Variants in ZNF227 observed in about 807,000 individuals in gnomAD.
ZNF227 encodes zinc finger protein 227.
A neutral mutation model predicts 13.2 loss-of-function variants in ZNF227; 12 were observed. The ratio of observed to expected loss-of-function variants is 0.91; its 90% CI spans 0.58 to 1.47. The LOEUF (loss-of-function observed/expected upper bound fraction) is 1.47, where lower values mean the gene tolerates loss of function less well. ZNF227 is among the 40% of genes most tolerant of loss of function. ZNF227 has a pLI of 0.00. For synonymous variants in ZNF227, 338 were observed against 326.0 expected (o/e 1.04, Z -0.40); for missense variants, 885 against 967.5 (o/e 0.91, Z 1.13).
Position 44,235,440 on chromosome 19 carries a change from C to G in ZNF227, c.1010C>G (p.Thr337Arg). The change falls in exon 6 of 6, where the codon ACG (threonine) becomes AGG (arginine). Residue 337 changes from threonine to arginine, a missense_variant. Physicochemically the swap from Thr to Arg is moderately conservative, Grantham distance 71. Coordinates refer to ENST00000313040, the MANE Select transcript of ZNF227 (RefSeq NM_182490.3). Reference protein sequence around the residue: ...DSCGKGFSSSTGLIIHYRTHT... With the variant: ...DSCGKGFSSSRGLIIHYRTHT... ...TGCGGCAAGGGATTCAGTAGCAGCA[C>G]GGGTCTTATCATTCATTACAGAACT... 6 of 1,614,022 alleles carry G rather than the reference C, an allele frequency of 3.7e-6. No individual in the cohort carries two copies. Among genetic ancestry groups the G allele is most frequent in the Non-Finnish European group, 5.1e-6 (6 of 1,180,018 alleles).
intron 3 of ZNF227, among the ~76,000 whole-genome samples, chr19:44,219,139 G>C (rs1342985996): frequency 6.6e-6 from 1 of 152,068 alleles, no homozygotes; most frequent in Non-Finnish European, 1.5e-5. Context: ...CACCCACTTC[G>C]GCCTCCCAAA....
Position 44,235,980 on chromosome 19 carries a change from A to T in ZNF227, c.1550A>T (p.Glu517Val). 6.2e-7 allele frequency: 1 copy of T among 1,614,058 alleles called. No homozygotes were observed. Among genetic ancestry groups the T allele is most frequent in the Non-Finnish European group, 8.5e-7 (1 of 1,180,020 alleles). Residue 517 changes from glutamate to valine, a missense_variant, in exon 6 of 6, where the codon GAG (glutamate) becomes GTG (valine). Glu to Val is a moderately radical substitution (Grantham distance 121). Coordinates refer to ENST00000313040, the MANE Select transcript of ZNF227 (RefSeq NM_182490.3). ...GTCCATCAGAATGTCCACACTGGGG[A>T]GAAACGATTCAAGTGTGAAACGTGT... ...LQVHQNVHTGEKRFKCETCGK... is the reference protein window; with the variant it reads ...LQVHQNVHTGVKRFKCETCGK...
At chr19:44,217,733 T>TA in intron 2 of ZNF227, 58 bp from the exon 3 acceptor site, 1 of 1,575,236 alleles carries the variant, frequency 6.3e-7, no homozygotes, top group South Asian at 1.1e-5. Flanking sequence ...AATTTCCTCA[T>TA]ATGTACACAT....
At chr19:44,219,285 A>G (rs370110979) in intron 3 of ZNF227, among the ~76,000 whole-genome samples, 9 of 152,252 alleles carry the variant, frequency 5.9e-5, no homozygotes, top group African/African-American at 2.2e-4. Context: ...TAGTCATTCC[A>G]TGAACGTAGA....
rs190772851 is a variant in ZNF227 at position 44,228,347 on chromosome 19, A to G, written c.61-99A>G. The G allele has an allele frequency of 1.1e-5, 16 of 1,415,530 alleles. No homozygotes were observed. In the Admixed American group the frequency reaches 1.4e-4, roughly 12 times the overall value. 87.7% of individuals were successfully genotyped at this position (1,415,530 alleles called of 1,614,324 possible). A position where few individuals can be genotyped will look rare whatever the true frequency, so the allele number is the denominator to read the frequency against. On this transcript the variant is annotated intron_variant, in intron 3 of 5. Coordinates refer to ENST00000313040, the MANE Select transcript of ZNF227 (RefSeq NM_182490.3). The stretch of plus-strand genomic sequence containing the variant: ...AATTGACTGAGATCTCTTGGAATCT[A>G]TAACAACTTTTTTGTGGTGCTCTTT...
intron 2 of ZNF227, chr19:44,213,479 A>G (rs902309006): frequency 2.0e-5 from 3 of 152,228 alleles, no homozygotes; most frequent in Non-Finnish European, 2.9e-5. Context: ...TTATTTTGTT[A>G]TGAGGAAATT....
chr19:44,224,230 A>T (rs1278092012), intron 3 of ZNF227, among the ~76,000 whole-genome samples: 1 of 152,212 alleles, frequency 6.6e-6, no homozygotes, highest in Non-Finnish European at 1.5e-5. Context: ...TGGTGCTGAA[A>T]AAAATGTATA....
chr19:44,232,677 T>G (rs528599627), intron 5 of ZNF227, among the ~76,000 whole-genome samples: 2 of 152,100 alleles, frequency 1.3e-5, no homozygotes, highest in South Asian at 4.2e-4. Context: ...TTTTTGTTTT[T>G]TTTTTTTGTA....
chr19:44,211,716 A>G (rs1242563292), upstream of ZNF227, among the ~76,000 whole-genome samples: 1 of 151,528 alleles, frequency 6.6e-6, no homozygotes, highest in African/African-American at 2.4e-5. Flanking sequence ...CCTTCGTTGC[A>G]TTTTTTGATT....
Position 44,230,951 on chromosome 19 carries a change from A to ATGTATC in ZNF227, c.271+1136_271+1137insGTATCT, listed in dbSNP as rs1973764611. On this transcript the variant is annotated intron_variant, in intron 5 of 5. Coordinates refer to ENST00000313040, the MANE Select transcript of ZNF227 (RefSeq NM_182490.3). ...AATATATATATATATATATATATAT[A>ATGTATC]TATCTTAGCCAGGCATGTTAGCATA... Among the ~76,000 whole-genome samples, 18 of 132,726 alleles carry ATGTATC rather than the reference A, an allele frequency of 1.4e-4. 1 individual carries two copies. The highest frequency in any genetic ancestry group is 5.7e-4 in the African/African-American group (18 of 31,508). The allele number at this position is 132,726 out of a possible 152,430, so 87.1% of individuals were successfully genotyped here. A position where few individuals can be genotyped will look rare whatever the true frequency, so the allele number is the denominator to read the frequency against.
At chr19:44,230,063 T>C (rs193102440) in intron 5 of ZNF227, among the ~76,000 whole-genome samples, 78 of 152,294 alleles carry the variant, frequency 5.1e-4, no homozygotes, top group African/African-American at 1.7e-3. Context: ...TCACCCAGGC[T>C]GGAGTGCAGC....
At chr19:44,207,802 G>GT (rs1030702817), upstream of ZNF227, 4 of 152,296 alleles carry the variant, frequency 2.6e-5, no homozygotes, top group African/African-American at 9.6e-5. Context: ...TTGTCGCTTG[G>GT]TTAGAGGGTC....
intron 3 of ZNF227, among the ~76,000 whole-genome samples, chr19:44,219,857 G>T: frequency 6.6e-6 from 1 of 151,050 alleles, no homozygotes; most frequent in Non-Finnish European, 1.5e-5. Context: ...GTATACATGT[G>T]CCATGTTGGT....
At chr19:44,219,058 T>C (rs1220108775) in intron 3 of ZNF227, among the ~76,000 whole-genome samples, 1 of 152,202 alleles carries the variant, frequency 6.6e-6, no homozygotes, top group African/African-American at 2.4e-5. Context: ...TGGCTAATTT[T>C]GTATTTTTAT....
rs1350168254 is a variant in ZNF227, at chr19:44,213,263, A to C, written c.-3+19A>C. 1.3e-5 allele frequency: 2 copies of C among 152,090 alleles called. No homozygotes were observed. The highest frequency in any genetic ancestry group is 2.9e-5 in the Non-Finnish European group (2 of 68,014). 9.4% of individuals were successfully genotyped at this position (152,090 alleles called of 1,614,324 possible). A position where few individuals can be genotyped will look rare whatever the true frequency, so the allele number is the denominator to read the frequency against. ...GCCCCAGGTACCTGCTCTTGAACGC[A>C]CTTTGTTGTTCCATTTTCTGTCCTT... On this transcript the variant is annotated intron_variant, in intron 2 of 5. Transcript: ENST00000313040.
At position 44,235,298 on chromosome 19, in the gene ZNF227, A is replaced by G; in HGVS notation, c.868A>G (p.Ile290Val). 1 of 1,614,206 alleles carries G rather than the reference A, an allele frequency of 6.2e-7. No homozygotes were observed. The highest frequency in any genetic ancestry group is 8.5e-7 in the Non-Finnish European group (1 of 1,180,030). ...QSSHLRTHQRIHPGEKLNRCH... is the reference protein window; with the variant it reads ...QSSHLRTHQRVHPGEKLNRCH... Reference sequence around the variant, plus strand: ...CTCACATCTGCGAACTCATCAGAGAATTCACCCAGGAGAGAAACTCAATAG... The same window carrying G: ...CTCACATCTGCGAACTCATCAGAGAGTTCACCCAGGAGAGAAACTCAATAG... Residue 290 changes from isoleucine to valine, a missense_variant, in exon 6 of 6, where the codon ATT becomes GTT. Transcript: ENST00000313040.
In ZNF227 at chr19:44,236,086, G is replaced by T. The variant is rs892141684; in HGVS notation, c.1656G>T (p.Val552=). Residue 552 remains valine (V), a synonymous_variant, in exon 6 of 6, where the codon GTG becomes GTT. Coordinates refer to ENST00000313040, the MANE Select transcript of ZNF227 (RefSeq NM_182490.3). The part of the protein sequence containing the change: ...HTGEKPYRCD[V]CGKDFSYSSN... ...GAGAGAAACCATATAGATGTGATGT[G>T]TGTGGTAAGGACTTCAGTTATAGTT... 1 of 1,614,000 alleles carries T rather than the reference G, an allele frequency of 6.2e-7. No homozygotes were observed.
chr19:44,225,738 T>C (rs1568603214), intron 3 of ZNF227, among the ~76,000 whole-genome samples: 1 of 152,226 alleles, frequency 6.6e-6, no homozygotes, highest in Non-Finnish European at 1.5e-5. Context: ...CGGAGTAGTT[T>C]GATCGTCTGA....
chr19:44,227,784 T>C lies in ZNF227; in HGVS notation c.61-662T>C, dbSNP rs139487640. Among the ~76,000 whole-genome samples, 593 of 152,276 alleles carry C rather than the reference T, an allele frequency of 3.9e-3. 3 individuals carry two copies. The highest frequency in any genetic ancestry group is 0.013 in the African/African-American group (560 of 41,562). ...CTAGTAAAAGGCAAAACCTTGAAAT[T>C]TGAACCTGGCCAGACTCCAGAGCCA... On this transcript the variant is annotated intron_variant, in intron 3 of 5. Coordinates refer to ENST00000313040, the MANE Select transcript of ZNF227 (RefSeq NM_182490.3).
Sources: allele counts gnomAD v4.1 joint callset (sites outside exome capture counted in the v4.1 genomes callset), GRCh38; gene constraint gnomAD v4.1.1; transcripts MANE v1.5; gene names NCBI Gene and HGNC (gene_info 2026-07-23, HGNC 2026-07-21).